Variants in SOX5 observed in about 807,000 individuals in gnomAD.
SOX5 encodes the protein SRY-box transcription factor 5, also known as transcription factor SOX-5.
Under a neutral mutation model 92.0 loss-of-function variants are expected in SOX5, and 9 were observed. The ratio of observed to expected loss-of-function variants is 0.10; its 90% CI spans 0.06 to 0.17. SOX5 has a LOEUF of 0.17. Among genes scored for constraint, SOX5 ranks in the 10% least tolerant of loss-of-function variants. The pLI is 1.00. For synonymous variants in SOX5, 344 were observed against 336.3 expected, an observed-to-expected ratio of 1.02 and a Z score of -0.25; for missense variants, 642 against 944.5, an observed-to-expected ratio of 0.68 and a Z score of 4.20.
In SOX5 at chr12:23,533,140, A is replaced by ATTAT. The variant is rs569142602; in HGVS notation, c.*1075_*1078dup. 236 of 455,800 alleles carry ATTAT rather than the reference A, an allele frequency of 5.2e-4. 1 individual carries two copies. Among genetic ancestry groups the ATTAT allele is most frequent in the South Asian group, 3.5e-3 (225 of 64,382 alleles). The allele number at this position is 455,800 out of a possible 1,614,324, so 28.2% of individuals were successfully genotyped here. A position where few individuals can be genotyped will look rare whatever the true frequency, so the allele number is the denominator to read the frequency against. On this transcript the variant is annotated 3_prime_UTR_variant, in exon 15 of 15. Transcript: ENST00000451604. ...TTTGAAGTGCAAAGTCAAGGTCAAG[A>ATTAT]TTATTTCTAGACCAGTCACTTGGGA...
rs146403291 is a variant in SOX5, at chr12:24,145,141, T to A, written c.-2+68202A>T. Among the ~76,000 whole-genome samples the A allele has an allele frequency of 2.2e-3, 332 of 152,144 alleles. 1 individual carries two copies. Among genetic ancestry groups the A allele is most frequent in the African/African-American group, 7.7e-3 (321 of 41,530 alleles). On this transcript the variant is annotated intron_variant, in intron 4 of 4. Transcript: ENST00000446891. ...AAGAAATAAAAAGGGAGGAATATGATAATCTGAAGATGTATCGACTATAAA... is the reference window on the plus strand; with the variant it reads ...AAGAAATAAAAAGGGAGGAATATGAAAATCTGAAGATGTATCGACTATAAA...
rs79714212 is a variant in SOX5 at position 24,033,408 on chromosome 12, C to G, written c.-1-137384G>C. 7.5e-3 allele frequency among the ~76,000 whole-genome samples: 1,136 copies of G among 151,990 alleles called. 18 individuals are homozygous for G. The highest frequency in any genetic ancestry group is 0.026 in the African/African-American group (1,092 of 41,496). On this transcript the variant is annotated intron_variant, in intron 4 of 4. Transcript: ENST00000446891. ...TGCTCTGAAACTCACAGGACCATTA[C>G]AAAGTGATTTAAAAAAAGAGTATCA...
intron 1 of SOX5, among the ~76,000 whole-genome samples, chr12:24,407,922 T>C (rs1398923762): frequency 6.6e-6 from 1 of 152,206 alleles, no homozygotes; most frequent in African/African-American, 2.4e-5. Context: ...AATCTGTTTC[T>C]GATGAGAGAA....
chr12:24,079,638 C>T (rs1449943356), intron 4 of SOX5, among the ~76,000 whole-genome samples: 1 of 151,658 alleles, frequency 6.6e-6, no homozygotes, highest in African/African-American at 2.4e-5. Flanking sequence ...TTTCTTGGGT[C>T]CAATATGTAT....
At chr12:24,427,745 G>GT (rs1966856893) in intron 1 of SOX5, among the ~76,000 whole-genome samples, 1 of 152,178 alleles carries the variant, frequency 6.6e-6, no homozygotes. Flanking sequence ...GTGAATGTGT[G>GT]TAACAGTAAA....
At chr12:23,766,265 TA>T (rs2094723144) in intron 3 of SOX5, among the ~76,000 whole-genome samples, 2 of 152,090 alleles carry the variant, frequency 1.3e-5, no homozygotes, top group African/African-American at 4.8e-5. Flanking sequence ...TTGAATCACA[TA>T]AGCAATATAA....
intron 1 of SOX5, among the ~76,000 whole-genome samples, chr12:24,419,377 T>C (rs1965559553): frequency 6.6e-6 from 1 of 152,150 alleles, no homozygotes; most frequent in African/African-American, 2.4e-5. Context: ...TTACCTCAAG[T>C]GATCTGCCTG....
intron 4 of SOX5, among the ~76,000 whole-genome samples, chr12:24,086,490 G>A (rs915957689): frequency 1.3e-5 from 2 of 151,916 alleles, no homozygotes; most frequent in East Asian, 1.9e-4. Flanking sequence ...ATGAGGGGCA[G>A]GGGGAGAGGG....
At chr12:23,944,255 G>A (rs7138944) in intron 1 of SOX5, 1,756 of 152,214 alleles carry the variant, frequency 0.012, 54 homozygotes, top group African/African-American at 0.039. Context: ...AGGCGCAAGA[G>A]CTGGGAACAA....
intron 2 of SOX5, among the ~76,000 whole-genome samples, chr12:24,290,335 T>A (rs1946482343): frequency 6.6e-6 from 1 of 152,214 alleles, no homozygotes; most frequent in Non-Finnish European, 1.5e-5. Context: ...AATGTTAGGT[T>A]GATTCCACAA....
At chr12:23,633,809 C>T (rs1034585938) in intron 8 of SOX5, among the ~76,000 whole-genome samples, 1 of 152,106 alleles carries the variant, frequency 6.6e-6, no homozygotes, top group African/African-American at 2.4e-5. Flanking sequence ...TATGTCTATA[C>T]ACACACTATC....
chr12:23,970,841 A>ATATATTTTTTTTT, intron 4 of SOX5, among the ~76,000 whole-genome samples: 5 of 21,880 alleles, frequency 2.3e-4, no homozygotes, highest in Admixed American at 7.7e-4. Context: ...TATATATATA[A>ATATATTTTTTTTT]TTTTTTTTTT....
chr12:24,103,651 T>C (rs1474537053), intron 4 of SOX5, among the ~76,000 whole-genome samples: 3 of 152,138 alleles, frequency 2.0e-5, no homozygotes, highest in African/African-American at 7.2e-5. Context: ...GAACTGAAAA[T>C]AATAAAGTAT....
chr12:24,052,445 T>C (rs1957653398), intron 4 of SOX5, among the ~76,000 whole-genome samples: 1 of 152,198 alleles, frequency 6.6e-6, no homozygotes, highest in Non-Finnish European at 1.5e-5. Flanking sequence ...ACTTAGTGAA[T>C]GTCTTTCTTG....
chr12:23,571,493 A>G (rs1369273863), intron 10 of SOX5, among the ~76,000 whole-genome samples: 2 of 152,188 alleles, frequency 1.3e-5, no homozygotes, highest in Non-Finnish European at 2.9e-5. Flanking sequence ...AGACTAAGCA[A>G]AACGTATGGC....
intron 4 of SOX5, among the ~76,000 whole-genome samples, chr12:24,163,592 A>C (rs1331882198): frequency 6.0e-5 from 9 of 150,922 alleles, no homozygotes; most frequent in Non-Finnish European, 1.0e-4. Context: ...CTTGGGTCAT[A>C]AGCTCCTAGA....
intron 1 of SOX5, among the ~76,000 whole-genome samples, chr12:23,924,852 T>C (rs1198460125): frequency 6.6e-6 from 1 of 152,138 alleles, no homozygotes; most frequent in Non-Finnish European, 1.5e-5. Context: ...GCTCATATGA[T>C]TAAATCCCTA....
chr12:23,654,899 A>G (rs2139148612), intron 7 of SOX5, among the ~76,000 whole-genome samples: 1 of 152,198 alleles, frequency 6.6e-6, no homozygotes, highest in Admixed American at 6.5e-5. Flanking sequence ...ATATTTTAAA[A>G]TAAGACAATA....
At chr12:24,164,331 T>C (rs1399937199) in intron 4 of SOX5, among the ~76,000 whole-genome samples, 1 of 152,110 alleles carries the variant, frequency 6.6e-6, no homozygotes, top group African/African-American at 2.4e-5. Context: ...GTCTAAACAT[T>C]ACAATAATAT....
Sources: allele counts gnomAD v4.1 joint callset (sites outside exome capture counted in the v4.1 genomes callset), GRCh38; gene constraint gnomAD v4.1.1; transcripts MANE v1.5; gene names NCBI Gene and HGNC (gene_info 2026-07-23, HGNC 2026-07-21).